GRK7: variants seen among roughly 807,000 people sequenced by gnomAD.
GRK7 encodes the protein rhodopsin kinase GRK7.
In GRK7, 24 loss-of-function variants were observed where a neutral mutation model predicts 34.1. The ratio of observed to expected loss-of-function variants is 0.70; its 90% CI spans 0.51 to 0.99. The LOEUF (loss-of-function observed/expected upper bound fraction) is 0.99. Among genes scored for constraint, GRK7 ranks in the 50% least tolerant of loss-of-function variants. The probability of loss-of-function intolerance (pLI) is 0.00; values close to 1 mark genes in which losing one functional copy is unlikely to be tolerated. For synonymous variants in GRK7, 256 were observed against 279.4 expected, an observed-to-expected ratio of 0.92 and a Z score of 0.84; for missense variants, 644 against 707.3, an observed-to-expected ratio of 0.91 and a Z score of 1.02.
At chr3:141,804,919 A>G (rs2107892325) in intron 4 of GRK7, among the ~76,000 whole-genome samples, 1 of 151,428 alleles carries the variant, frequency 6.6e-6, no homozygotes, top group Middle Eastern at 3.5e-3. Flanking sequence ...GCTCACACAC[A>G]CATGCATACT....
intron 5 of GRK7, among the ~76,000 whole-genome samples, chr3:141,808,744 A>C (rs1271156877): frequency 6.6e-6 from 1 of 152,002 alleles, no homozygotes; most frequent in African/African-American, 2.4e-5. Flanking sequence ...GTAGAACGGC[A>C]GTTTCCTGGG....
rs944950438 is a variant in GRK7, at chr3:141,778,691, C to T, written c.407C>T (p.Ala136Val). 2 of 1,613,426 alleles carry T rather than the reference C, an allele frequency of 1.2e-6. No homozygotes were observed. Among genetic ancestry groups the T allele is most frequent in the African/African-American group, 1.3e-5 (1 of 74,944 alleles). ...CAGGCCGTGGCCACCAAGTGCCAAG[C>T]AGCCACCACTGAGGAAGAGCGAGTG... ...LSQAVATKCQ[A>V]ATTEEERVAA... Residue 136 changes from alanine (A) to valine (V), a missense_variant, in exon 3 of 6, where the codon GCA becomes GTA. Ala to Val is a moderately conservative substitution (Grantham distance 64). Coordinates refer to ENST00000682958, the MANE Select transcript of GRK7 (RefSeq NM_139209.3). This position sits in a 1 kb window ranked among gnomAD's most constrained non-coding sequence, Gnocchi z 4.1.
intron 5 of GRK7, among the ~76,000 whole-genome samples, chr3:141,814,882 T>C (rs116158946): frequency 1.5e-3 from 228 of 151,940 alleles, no homozygotes; most frequent in African/African-American, 5.3e-3. Context: ...CCCTCCAATA[T>C]CTGTTTTTGT....
At chr3:141,808,489 T>C (rs1711058737) in intron 5 of GRK7, among the ~76,000 whole-genome samples, 1 of 151,998 alleles carries the variant, frequency 6.6e-6, no homozygotes, top group Non-Finnish European at 1.5e-5. Context: ...CCGAGTCAGG[T>C]GGATCACGAG....
chr3:141,776,568 C>T (rs1272428364), intron 2 of GRK7, among the ~76,000 whole-genome samples: 2 of 152,170 alleles, frequency 1.3e-5, no homozygotes, highest in Non-Finnish European at 2.9e-5. Flanking sequence ...CGGTGCAGAT[C>T]GCCCATCTCC....
At chr3:141,795,216 A>G (rs1215494741) in intron 4 of GRK7, among the ~76,000 whole-genome samples, 1 of 152,208 alleles carries the variant, frequency 6.6e-6, no homozygotes, top group Non-Finnish European at 1.5e-5. Flanking sequence ...AATAGTCCTC[A>G]ATGGCGGGTG....
At chr3:141,750,589 C>T in the GRK7 span, among the ~76,000 whole-genome samples, 5 of 152,070 alleles carry the variant, frequency 3.3e-5, no homozygotes, top group Admixed American at 3.3e-4. Context: ...CAAATGTCAG[C>T]CATTATTATT....
At chr3:141,773,461 G>T (rs994645841) in intron 1 of GRK7, among the ~76,000 whole-genome samples, 3 of 151,814 alleles carry the variant, frequency 2.0e-5, no homozygotes, top group Non-Finnish European at 4.4e-5. Context: ...GCAGAATTTT[G>T]GACTAAATTT....
chr3:141,796,342 C>G (rs891397133), intron 4 of GRK7, among the ~76,000 whole-genome samples: 2 of 152,188 alleles, frequency 1.3e-5, no homozygotes, highest in African/African-American at 4.8e-5. Flanking sequence ...CTGCCTTTAG[C>G]GTTGATGAGA....
At chr3:141,789,655 G>GA (rs1559843385) in intron 4 of GRK7, among the ~76,000 whole-genome samples, 3 of 53,924 alleles carry the variant, frequency 5.6e-5, no homozygotes, top group South Asian at 6.1e-4. Flanking sequence ...TGCCAAATGG[G>GA]CAAAAAAAAA....
In GRK7 at chr3:141,817,162, A is replaced by G; in HGVS notation, c.*112A>G. Reference sequence around the variant, plus strand: ...CTAATCAGTTAGGAGGGACATCACAACCACAAAACAATTCAAAAGACAGGC... The same window carrying G: ...CTAATCAGTTAGGAGGGACATCACAGCCACAAAACAATTCAAAAGACAGGC... On this transcript the variant is annotated 3_prime_UTR_variant, in exon 6 of 6. Transcript: ENST00000682958. The G allele has an allele frequency of 1.3e-6, 1 of 745,162 alleles. No homozygotes were observed. Among genetic ancestry groups the G allele is most frequent in the Non-Finnish European group, 2.2e-6 (1 of 464,596 alleles). 46.2% of individuals were successfully genotyped at this position (745,162 alleles called of 1,614,324 possible).
At chr3:141,783,492 A>G (rs2084681475) in intron 4 of GRK7, among the ~76,000 whole-genome samples, 1 of 152,170 alleles carries the variant, frequency 6.6e-6, no homozygotes, top group African/African-American at 2.4e-5. Flanking sequence ...CAGGAGCCAA[A>G]GAAGAGGATT....
At chr3:141,754,190 AG>A in the GRK7 span, among the ~76,000 whole-genome samples, 1 of 152,182 alleles carries the variant, frequency 6.6e-6, no homozygotes, top group African/African-American at 2.4e-5. Context: ...TAAGAAGTCC[AG>A]GGGTAGGAAG....
chr3:141,754,974 A>T, the GRK7 span, among the ~76,000 whole-genome samples: 1 of 152,306 alleles, frequency 6.6e-6, no homozygotes, highest in East Asian at 1.9e-4. Flanking sequence ...ATAGTCCTTA[A>T]ATAAAAGTAT....
At chr3:141,771,247 A>T (rs1178374380) in intron 1 of GRK7, among the ~76,000 whole-genome samples, 5 of 152,184 alleles carry the variant, frequency 3.3e-5, no homozygotes, top group Non-Finnish European at 7.3e-5. Flanking sequence ...ATATCCATAC[A>T]TGGAATACTA....
chr3:141,807,767 C>A lies in GRK7; in HGVS notation c.1173C>A (p.Phe391Leu). 2 of 1,614,032 alleles carry A rather than the reference C, an allele frequency of 1.2e-6. No individual in the cohort carries two copies. Among genetic ancestry groups the A allele is most frequent in the South Asian group, 2.2e-5 (2 of 91,078 alleles). The change falls in exon 5 of 6, where the codon TTC (phenylalanine) becomes TTA (leucine). Residue 391 changes from phenylalanine (F) to leucine (L), a missense_variant. Coordinates refer to ENST00000682958, the MANE Select transcript of GRK7 (RefSeq NM_139209.3). ...AAATGGTTGCTGGACGAACACCATT[C>A]AAAGATTACAAGGAAAAGGTCAGTA... ...IYEMVAGRTPFKDYKEKVSKE... is the reference protein window; with the variant it reads ...IYEMVAGRTPLKDYKEKVSKE...
intron 5 of GRK7, among the ~76,000 whole-genome samples, chr3:141,810,636 C>A (rs1711084394): frequency 6.6e-6 from 1 of 152,124 alleles, no homozygotes; most frequent in Non-Finnish European, 1.5e-5. Flanking sequence ...TCTGCCTTGG[C>A]CTCCCGAGTA....
Position 141,778,497 on chromosome 3 carries a change from T to G in GRK7, c.213T>G (p.Arg71=). 6.2e-7 allele frequency: 1 copy of G among 1,613,258 alleles called. No individual in the cohort carries two copies. Among genetic ancestry groups the G allele is most frequent in the Non-Finnish European group, 8.5e-7 (1 of 1,179,954 alleles). The stretch of plus-strand genomic sequence containing the variant: ...AGCCCATCGGTCGCCGCCTCTTCCG[T>G]GACTTCCTAGCCACAGTGCCCACGT... ...EQQPIGRRLF[R]DFLATVPTFR... Residue 71 remains arginine, a synonymous_variant, in exon 3 of 6, where the codon CGT becomes CGG. Coordinates refer to ENST00000682958, the MANE Select transcript of GRK7 (RefSeq NM_139209.3). The surrounding 1 kb of genome is among the most constrained non-coding windows in gnomAD (Gnocchi z 4.1).
At chr3:141,753,614 G>A in the GRK7 span, among the ~76,000 whole-genome samples, 10 of 152,320 alleles carry the variant, frequency 6.6e-5, no homozygotes, top group African/African-American at 2.2e-4. Flanking sequence ...CTGCTTGCTC[G>A]CTGCTCCCCT....
Sources: allele counts gnomAD v4.1 joint callset (sites outside exome capture counted in the v4.1 genomes callset), GRCh38; gene constraint gnomAD v4.1.1; non-coding constraint Gnocchi (gnomAD v3.1); transcripts MANE v1.5; gene names NCBI Gene and HGNC (gene_info 2026-07-23, HGNC 2026-07-21).